The following FAM240A variants were observed in gnomAD, a reference collection of about 807,000 sequenced individuals.
FAM240A encodes protein FAM240A.
A neutral mutation model predicts 7.3 loss-of-function variants in FAM240A; 8 were observed. The observed-to-expected ratio is 1.09, with a 90% confidence interval of 0.64 to 1.97. FAM240A has a LOEUF of 1.97. Among genes scored for constraint, FAM240A ranks in the 30% most tolerant of loss-of-function variants. FAM240A has a pLI of 0.00. For synonymous variants in FAM240A, 32 were observed against 35.9 expected (o/e 0.89, Z 0.38); for missense variants, 90 against 102.2 (o/e 0.88, Z 0.52).
Position 46,626,001 on chromosome 3 carries a change from C to G in FAM240A, c.*783C>G, listed in dbSNP as rs1008225107. 2.6e-5 allele frequency: 4 copies of G among 152,180 alleles called. No homozygotes were observed. 9.4% of individuals were successfully genotyped at this position (152,180 alleles called of 1,614,324 possible). A position where few individuals can be genotyped will look rare whatever the true frequency, so the allele number is the denominator to read the frequency against. On this transcript the variant is annotated 3_prime_UTR_variant, in exon 3 of 3. Transcript: ENST00000640551. The stretch of plus-strand genomic sequence containing the variant: ...GTATAGTCACTCCCTTGCCATCTCT[C>G]AAGTTCAGAAGCACCAGGGTTTGAT...
At chr3:46,616,092 G>A (rs546906131) in intron 1 of FAM240A, among the ~76,000 whole-genome samples, 2 of 152,350 alleles carry the variant, frequency 1.3e-5, no homozygotes, top group South Asian at 4.1e-4. Flanking sequence ...ACTGGAAGTT[G>A]AGAAACGATT....
At chr3:46,612,959 G>A (rs535070688) in intron 1 of FAM240A, among the ~76,000 whole-genome samples, 4 of 152,266 alleles carry the variant, frequency 2.6e-5, no homozygotes, top group Non-Finnish European at 4.4e-5. Context: ...CCAGGAAACC[G>A]AAACACAAAT....
At position 46,617,385 on chromosome 3, in the gene FAM240A, T is replaced by A. The variant is rs527436703; in HGVS notation, c.161+57T>A. ...TAATTAATTTTTAAAATACATCGTA[T>A]AATTTAGAACAGTTTTAGGTTCACA... On this transcript the variant is annotated intron_variant, in intron 2 of 2. Transcript: ENST00000640551. 82 of 1,420,520 alleles carry A rather than the reference T, an allele frequency of 5.8e-5. 2 individuals are homozygous for A. The South Asian group carries it at 1.0e-3, about 18-fold the overall frequency. 88.0% of individuals were successfully genotyped at this position (1,420,520 alleles called of 1,614,324 possible). A position where few individuals can be genotyped will look rare whatever the true frequency, so the allele number is the denominator to read the frequency against.
chr3:46,613,329 A>T (rs946922527), intron 1 of FAM240A, among the ~76,000 whole-genome samples: 1 of 151,952 alleles, frequency 6.6e-6, no homozygotes, highest in African/African-American at 2.4e-5. Context: ...CCCTGTCTCT[A>T]CTAAAAATAC....
intron 1 of FAM240A, among the ~76,000 whole-genome samples, chr3:46,613,206 GAC>G (rs913138628): frequency 2.0e-5 from 3 of 152,140 alleles, no homozygotes; most frequent in African/African-American, 7.2e-5. Flanking sequence ...CTATAAACAA[GAC>G]ACAGGCTGGG....
At chr3:46,623,258 C>T (rs946551089) in intron 2 of FAM240A, among the ~76,000 whole-genome samples, 16 of 152,034 alleles carry the variant, frequency 1.1e-4, no homozygotes, top group Admixed American at 8.5e-4. Flanking sequence ...ATTTAATTAT[C>T]GCAGACAGGG....
intron 2 of FAM240A, among the ~76,000 whole-genome samples, chr3:46,620,410 C>A: frequency 1.1e-5 from 1 of 94,268 alleles, no homozygotes; most frequent in Non-Finnish European, 2.4e-5. Flanking sequence ...ATCTAATGAT[C>A]ATTAATATCT....
intron 2 of FAM240A, among the ~76,000 whole-genome samples, chr3:46,621,289 G>A (rs1697692521): frequency 6.6e-6 from 1 of 152,072 alleles, no homozygotes; most frequent in Non-Finnish European, 1.5e-5. Context: ...CTTTATCCCT[G>A]ATGATTTTTT....
intron 2 of FAM240A, among the ~76,000 whole-genome samples, chr3:46,620,328 C>CG (rs1697680457): frequency 8.3e-6 from 1 of 120,378 alleles, no homozygotes; most frequent in African/African-American, 3.1e-5. Context: ...CTCCAGGCTC[C>CG]AAACACAAGT....
intron 1 of FAM240A, among the ~76,000 whole-genome samples, chr3:46,616,335 C>G (rs573560978): frequency 4.3e-4 from 65 of 152,264 alleles, no homozygotes; most frequent in African/African-American, 1.5e-3. Flanking sequence ...GGGGGTTCAG[C>G]TTCTATTTTT....
At chr3:46,613,492 T>TAAATAAATAAAC in intron 1 of FAM240A, among the ~76,000 whole-genome samples, 1 of 5,102 alleles carries the variant, frequency 2.0e-4, no homozygotes, top group South Asian at 4.5e-3. Flanking sequence ...AAACTCCTTC[T>TAAATAAATAAAC]AAATAAATAA....
At chr3:46,615,130 G>A (rs1697613064) in intron 1 of FAM240A, among the ~76,000 whole-genome samples, 1 of 152,176 alleles carries the variant, frequency 6.6e-6, no homozygotes, top group Non-Finnish European at 1.5e-5. Flanking sequence ...CGGGTCTGGA[G>A]TGAACATCTG....
intron 1 of FAM240A, 57 bp downstream of exon 1, chr3:46,612,755 G>T (rs1387299232): frequency 1.6e-5 from 22 of 1,388,926 alleles, no homozygotes; most frequent in Non-Finnish European, 2.2e-5. Context: ...GGTTATGGAG[G>T]TTATGGTTTG....
intron 2 of FAM240A, among the ~76,000 whole-genome samples, chr3:46,622,106 CTTTTTTTTTTTTT>C (rs1171256555): frequency 2.5e-5 from 2 of 79,676 alleles, no homozygotes; most frequent in East Asian, 3.0e-4. Flanking sequence ...AGAAAATTTT[CTTTTTTTTTTTTT>C]TTTTTTTTTT....
At chr3:46,618,870 TATATATATATA>T (rs1697661494) in intron 2 of FAM240A, among the ~76,000 whole-genome samples, 1 of 23,102 alleles carries the variant, frequency 4.3e-5, no homozygotes, top group African/African-American at 1.8e-4. Context: ...TATATATGTA[TATATATATATA>T]TACACACACA....
At chr3:46,615,515 C>G (rs1697617777) in intron 1 of FAM240A, among the ~76,000 whole-genome samples, 1 of 152,206 alleles carries the variant, frequency 6.6e-6, no homozygotes, top group Middle Eastern at 3.2e-3. Flanking sequence ...CCTCCTCCCC[C>G]TGCATCCGCT....
At chr3:46,619,174 AAAGG>A (rs1697669043) in intron 2 of FAM240A, among the ~76,000 whole-genome samples, 1 of 152,128 alleles carries the variant, frequency 6.6e-6, no homozygotes, top group Non-Finnish European at 1.5e-5. Context: ...GCAATACGCC[AAAGG>A]AAGACATTCC....
intron 1 of FAM240A, among the ~76,000 whole-genome samples, chr3:46,613,950 G>A (rs760703838): frequency 2.6e-5 from 4 of 152,046 alleles, no homozygotes; most frequent in Non-Finnish European, 4.4e-5. Context: ...ACAGGGTCTC[G>A]CTTTGTCCCC....
intron 2 of FAM240A, among the ~76,000 whole-genome samples, chr3:46,622,464 C>G (rs1407667869): frequency 6.6e-6 from 1 of 151,982 alleles, no homozygotes. Flanking sequence ...TTTGCCTATC[C>G]CAAGGTCACA....
Sources: allele counts gnomAD v4.1 joint callset (sites outside exome capture counted in the v4.1 genomes callset), GRCh38; gene constraint gnomAD v4.1.1; transcripts MANE v1.5; gene names NCBI Gene and HGNC (gene_info 2026-07-23, HGNC 2026-07-21).